Variants in TAFA2 observed in about 807,000 individuals in gnomAD.
The protein encoded by TAFA2 is TAFA chemokine like family member 2, also known as chemokine-like protein TAFA-2.
In TAFA2, 7 loss-of-function variants were observed where a neutral mutation model predicts 18.8. That is an observed-to-expected ratio of 0.37 (90% CI 0.21 to 0.70). The LOEUF is 0.70. TAFA2 is among the 30% of genes least tolerant of loss of function. The probability of loss-of-function intolerance (pLI) is 0.53; values close to 1 mark genes in which losing one functional copy is unlikely to be tolerated. For synonymous variants in TAFA2, 60 were observed against 54.2 expected, an observed-to-expected ratio of 1.11 and a Z score of -0.47; for missense variants, 122 against 158.1, an observed-to-expected ratio of 0.77 and a Z score of 1.23.
chr12:61,790,219 C>T (rs1870916446), intron 2 of TAFA2, among the ~76,000 whole-genome samples: 1 of 150,800 alleles, frequency 6.6e-6, no homozygotes. Context: ...GGTACTACCA[C>T]AACACAATAA....
intron 1 of TAFA2, among the ~76,000 whole-genome samples, chr12:61,902,419 G>C (rs1052225913): frequency 1.3e-5 from 2 of 152,142 alleles, no homozygotes; most frequent in Non-Finnish European, 2.9e-5. Flanking sequence ...TAACTTTGCT[G>C]TCTGCCTCTT....
At chr12:62,133,582 C>T (rs768485221) in intron 1 of TAFA2, among the ~76,000 whole-genome samples, 6 of 152,122 alleles carry the variant, frequency 3.9e-5, no homozygotes, top group South Asian at 4.1e-4. Flanking sequence ...CCGTTAAATA[C>T]GTAAGCCATA....
At chr12:62,018,488 G>C (rs1271594736) in intron 1 of TAFA2, among the ~76,000 whole-genome samples, 1 of 152,090 alleles carries the variant, frequency 6.6e-6, no homozygotes, top group Non-Finnish European at 1.5e-5. Context: ...GAGCAGAACA[G>C]AGGCCTCAGA....
At chr12:61,892,514 C>A (rs572737418) in intron 1 of TAFA2, among the ~76,000 whole-genome samples, 1 of 152,184 alleles carries the variant, frequency 6.6e-6, no homozygotes, top group Non-Finnish European at 1.5e-5. Context: ...TAAGTATGTC[C>A]AAAACATTGC....
At chr12:62,035,144 G>A (rs1881564331) in intron 1 of TAFA2, among the ~76,000 whole-genome samples, 1 of 152,032 alleles carries the variant, frequency 6.6e-6, no homozygotes, top group African/African-American at 2.4e-5. Flanking sequence ...ATAGTTGATG[G>A]GTCTAATTCT....
intron 2 of TAFA2, among the ~76,000 whole-genome samples, chr12:61,803,761 G>A (rs1039973794): frequency 3.3e-5 from 5 of 151,790 alleles, no homozygotes; most frequent in African/African-American, 1.2e-4. Flanking sequence ...GAATTATTGA[G>A]AACTTTGCTA....
chr12:61,917,822 G>C (rs1418126883), intron 1 of TAFA2, among the ~76,000 whole-genome samples: 1 of 152,110 alleles, frequency 6.6e-6, no homozygotes, highest in Non-Finnish European at 1.5e-5. Flanking sequence ...AAAGTACTTT[G>C]GCCAACAGGC....
intron 1 of TAFA2, among the ~76,000 whole-genome samples, chr12:61,936,168 G>T (rs1303321060): frequency 6.6e-6 from 1 of 152,156 alleles, no homozygotes; most frequent in South Asian, 2.1e-4. Context: ...TACAGGAATG[G>T]CTTAACATAT....
At chr12:62,121,991 A>G (rs1870218180) in intron 1 of TAFA2, among the ~76,000 whole-genome samples, 1 of 152,202 alleles carries the variant, frequency 6.6e-6, no homozygotes, top group Non-Finnish European at 1.5e-5. Context: ...ACTACCACAC[A>G]TTCTCACTTA....
At chr12:61,771,934 C>CA (rs1870046751) in intron 2 of TAFA2, among the ~76,000 whole-genome samples, 4 of 143,728 alleles carry the variant, frequency 2.8e-5, no homozygotes, top group African/African-American at 7.6e-5. Context: ...ATAAATGAAA[C>CA]AAAAATATGT....
intron 1 of TAFA2, among the ~76,000 whole-genome samples, chr12:61,901,905 A>C (rs1390035977): frequency 6.6e-6 from 1 of 152,154 alleles, no homozygotes. Context: ...ATTTTCATGC[A>C]TACACATCAA....
At chr12:62,245,608 TATAAATATATATTATAC>T (rs1463310841) in intron 1 of TAFA2, among the ~76,000 whole-genome samples, 1 of 148,072 alleles carries the variant, frequency 6.8e-6, no homozygotes, top group Non-Finnish European at 1.5e-5. Flanking sequence ...ATGTAATACA[TATAAATATATATTATAC>T]ATAAATATAT....
chr12:61,729,022 A>G (rs1163040449), intron 4 of TAFA2, among the ~76,000 whole-genome samples: 1 of 136,008 alleles, frequency 7.4e-6, no homozygotes, highest in Non-Finnish European at 1.6e-5. Flanking sequence ...TGAATACAAA[A>G]TTCTTGGCTG....
intron 1 of TAFA2, among the ~76,000 whole-genome samples, chr12:62,108,693 A>T (rs1869577699): frequency 6.6e-6 from 1 of 152,192 alleles, no homozygotes; most frequent in African/African-American, 2.4e-5. Flanking sequence ...CTGGTGTGAG[A>T]TGGTATCTCA....
intron 1 of TAFA2, among the ~76,000 whole-genome samples, chr12:61,876,747 A>G (rs1217460024): frequency 6.6e-6 from 1 of 152,194 alleles, no homozygotes; most frequent in East Asian, 1.9e-4. Context: ...AAAGAATGCT[A>G]TTCTATGTTC....
At chr12:61,776,882 C>A (rs766793740) in intron 2 of TAFA2, among the ~76,000 whole-genome samples, 20 of 151,724 alleles carry the variant, frequency 1.3e-4, no homozygotes, top group Non-Finnish European at 2.8e-4. Flanking sequence ...TCTTTAACTT[C>A]TCAGTGTTAA....
intron 1 of TAFA2, among the ~76,000 whole-genome samples, chr12:62,002,753 C>G (rs533459799): frequency 6.6e-5 from 10 of 152,268 alleles, no homozygotes; most frequent in African/African-American, 2.4e-4. Context: ...ATATCATACT[C>G]CCTATTCTAG....
intron 1 of TAFA2, among the ~76,000 whole-genome samples, chr12:61,914,166 A>G (rs1876724680): frequency 6.6e-6 from 1 of 152,156 alleles, no homozygotes; most frequent in African/African-American, 2.4e-5. Flanking sequence ...AAGGATGAAG[A>G]TCCATGGGTA....
At position 61,932,730 on chromosome 12, in the gene TAFA2, G is replaced by A. The variant is rs549191311; in HGVS notation, c.-1-65304C>T. ...GCTGGGATTACAGGTGTGAGCCACC[G>A]CGCCCAGCCCCATAACTCTTGTAAT... On this transcript the variant is annotated intron_variant, in intron 1 of 4. Coordinates refer to ENST00000416284, the MANE Select transcript of TAFA2 (RefSeq NM_178539.5). Among the ~76,000 whole-genome samples, 20 of 152,162 alleles carry A rather than the reference G, an allele frequency of 1.3e-4. No homozygotes were observed. In the East Asian group the frequency reaches 2.1e-3, roughly 16 times the overall value.
Sources: gnomAD v4.1 joint callset for allele counts (sites outside exome capture counted in the v4.1 genomes callset) on GRCh38, gnomAD v4.1.1 for gene constraint, MANE v1.5 for transcripts, NCBI Gene and HGNC (gene_info 2026-07-23, HGNC 2026-07-21) for gene names.